The following IL1RN variants were observed in gnomAD, a reference collection of about 807,000 sequenced individuals.
The protein encoded by IL1RN is interleukin 1 receptor antagonist, also known as interleukin-1 receptor antagonist protein.
In IL1RN, 10 loss-of-function variants were observed where a neutral mutation model predicts 13.7. The ratio of observed to expected loss-of-function variants is 0.73; its 90% CI spans 0.45 to 1.24. The LOEUF (loss-of-function observed/expected upper bound fraction) is 1.24. IL1RN is among the 50% of genes most tolerant of loss of function. The pLI is 0.00. For synonymous variants in IL1RN, 102 were observed against 82.7 expected (o/e 1.23, Z -1.27); for missense variants, 213 against 222.1 (o/e 0.96, Z 0.26).
intron 1 of IL1RN, among the ~76,000 whole-genome samples, chr2:113,118,505 T>G (rs1261135136): frequency 6.6e-6 from 1 of 152,034 alleles, no homozygotes. Context: ...GTTCCACCAG[T>G]TGTCACAAGA....
intron 1 of IL1RN, 74 bp from the exon 2 acceptor site, chr2:113,129,502 A>G (rs537770292): frequency 1.1e-6 from 1 of 905,218 alleles, no homozygotes; most frequent in Non-Finnish European, 1.9e-6. Flanking sequence ...GTTCTGGGGG[A>G]CACAGGAAGG....
chr2:113,120,357 TATGTATGTATGC>T (rs1461574110), intron 2 of IL1RN, among the ~76,000 whole-genome samples: 2 of 151,914 alleles, frequency 1.3e-5, no homozygotes, highest in Non-Finnish European at 2.9e-5. Context: ...TGTATGTATG[TATGTATGTATGC>T]ATGTATCTAT....
At chr2:113,124,499 G>C (rs1203170838), upstream of IL1RN, among the ~76,000 whole-genome samples, 7 of 152,132 alleles carry the variant, frequency 4.6e-5, no homozygotes, top group Non-Finnish European at 1.0e-4. Context: ...GGGTGGGTCA[G>C]GATACAGAGC....
chr2:113,132,485 A>T (rs756654763), intron 3 of IL1RN, among the ~76,000 whole-genome samples, 171 bp from the exon 4 acceptor site: 1 of 152,228 alleles, frequency 6.6e-6, no homozygotes, highest in Non-Finnish European at 1.5e-5. Context: ...CCTAGGTCCC[A>T]GAGTCCCACA....
the IL1RN span, among the ~76,000 whole-genome samples, chr2:113,100,064 T>G: frequency 1.4e-5 from 2 of 139,628 alleles, no homozygotes; most frequent in African/African-American, 2.6e-5. Context: ...GGACCACGCC[T>G]GTAATCCCAG....
upstream of IL1RN, chr2:113,117,827 C>A (rs1265514080): frequency 5.9e-6 from 4 of 675,904 alleles, no homozygotes; most frequent in African/African-American, 3.6e-5. Flanking sequence ...CTGGCCAACC[C>A]TCTGTGAGTG....
upstream of IL1RN, chr2:113,127,555 G>A (rs1687004123): frequency 1.9e-6 from 3 of 1,578,818 alleles, no homozygotes; most frequent in Admixed American, 3.6e-5. Flanking sequence ...GCTTGGGTGA[G>A]TGACTATTTC....
rs751937390 is a variant in IL1RN at position 113,132,673 on chromosome 2, C to T, written c.336C>T (p.Asp112=). 25 of 1,614,220 alleles carry T rather than the reference C, an allele frequency of 1.5e-5. No homozygotes were observed. The highest frequency in any genetic ancestry group is 3.3e-4 in the Middle Eastern group (2 of 6,062). ...RLQLEAVNIT[D]LSENRKQDKR... ...ATTTCCAGGCAGTTAACATCACTGACCTGAGCGAGAACAGAAAGCAGGACA... is the reference window on the plus strand; with the variant it reads ...ATTTCCAGGCAGTTAACATCACTGATCTGAGCGAGAACAGAAAGCAGGACA... Residue 112 remains aspartate (D), a synonymous_variant, in exon 4 of 4, where the codon GAC becomes GAT. Transcript: ENST00000409930.
chr2:113,118,059 T>G (rs764640379), intron 1 of IL1RN: 9 of 1,612,658 alleles, frequency 5.6e-6, no homozygotes, highest in Middle Eastern at 1.6e-4. Flanking sequence ...TTTTTTCACC[T>G]GAGAAATGAG....
upstream of IL1RN, among the ~76,000 whole-genome samples, chr2:113,123,048 C>T (rs968412824): frequency 3.9e-5 from 6 of 152,146 alleles, no homozygotes; most frequent in African/African-American, 1.4e-4. Context: ...TTGCTTGAAC[C>T]TGGGAGGCGG....
chr2:113,126,576 C>T (rs544445853), upstream of IL1RN, among the ~76,000 whole-genome samples: 11 of 152,266 alleles, frequency 7.2e-5, no homozygotes, highest in African/African-American at 2.6e-4. Flanking sequence ...TCCTAATGTT[C>T]CAGGCCCCGG....
chr2:113,125,149 A>G (rs1250636391), upstream of IL1RN, among the ~76,000 whole-genome samples: 1 of 152,216 alleles, frequency 6.6e-6, no homozygotes, highest in African/African-American at 2.4e-5. Context: ...AGAAAGACAA[A>G]TAGGAGAGAA....
upstream of IL1RN, among the ~76,000 whole-genome samples, chr2:113,102,992 G>A (rs1465292231): frequency 6.6e-6 from 1 of 152,362 alleles, no homozygotes; most frequent in East Asian, 1.9e-4. Flanking sequence ...GAGGTGCAAA[G>A]TACTCATGCT....
At chr2:113,129,003 G>GA (rs970116846) in intron 1 of IL1RN, among the ~76,000 whole-genome samples, 1 of 152,208 alleles carries the variant, frequency 6.6e-6, no homozygotes, top group African/African-American at 2.4e-5. Flanking sequence ...TCTAGGGAAA[G>GA]ACCCTTCTGG....
chr2:113,112,600 A>T (rs1419485433), intron 1 of IL1RN, among the ~76,000 whole-genome samples: 2 of 152,034 alleles, frequency 1.3e-5, no homozygotes, highest in Non-Finnish European at 2.9e-5. Flanking sequence ...TAATTGCCTG[A>T]ATTCCCCGCC....
intron 3 of IL1RN, among the ~76,000 whole-genome samples, chr2:113,131,927 C>T (rs1340170785): frequency 1.3e-5 from 2 of 152,182 alleles, no homozygotes; most frequent in African/African-American, 4.8e-5. Context: ...TGGAGGGTGA[C>T]TGCCTGTTCT....
At chr2:113,110,938 A>G (rs1686484837), upstream of IL1RN, among the ~76,000 whole-genome samples, 1 of 152,218 alleles carries the variant, frequency 6.6e-6, no homozygotes, top group Non-Finnish European at 1.5e-5. Flanking sequence ...TATGCCTACC[A>G]ACTTCCCTGA....
upstream of IL1RN, among the ~76,000 whole-genome samples, chr2:113,110,011 C>A (rs1189312642): frequency 6.6e-6 from 1 of 152,190 alleles, no homozygotes; most frequent in Non-Finnish European, 1.5e-5. Context: ...ACCTACTTCA[C>A]ATTATCCATC....
chr2:113,116,100 A>T (rs1686586275), upstream of IL1RN, among the ~76,000 whole-genome samples: 1 of 152,182 alleles, frequency 6.6e-6, no homozygotes, highest in Non-Finnish European at 1.5e-5. Context: ...TCTTACTCTC[A>T]TTTTATAGAT....
Sources: gnomAD v4.1 joint callset for allele counts (sites outside exome capture counted in the v4.1 genomes callset) on GRCh38, gnomAD v4.1.1 for gene constraint, MANE v1.5 for transcripts, NCBI Gene and HGNC (gene_info 2026-07-23, HGNC 2026-07-21) for gene names.